CILK1: variants seen among roughly 807,000 people sequenced by gnomAD.
CILK1 encodes the protein ciliogenesis associated kinase 1, also known as serine/threonine-protein kinase ICK.
A neutral mutation model predicts 79.2 loss-of-function variants in CILK1; 47 were observed. That is an observed-to-expected ratio of 0.59 (90% CI 0.47 to 0.76). The LOEUF is 0.76. Ranked by LOEUF, CILK1 falls within the 30% of genes least tolerant of loss-of-function variation. CILK1 has a pLI of 0.00. For synonymous variants in CILK1, 266 were observed against 275.9 expected, an observed-to-expected ratio of 0.96 and a Z score of 0.36; for missense variants, 660 against 769.5, an observed-to-expected ratio of 0.86 and a Z score of 1.68.
rs1764430360 is a variant in CILK1, at chr6:53,009,474, G to A, written c.1586C>T (p.Ser529Leu). Residue 529 changes from serine to leucine, a missense_variant, in exon 12 of 14, where the codon TCA (serine) becomes TTA (leucine). By Grantham distance (145) the Ser-to-Leu change is moderately radical. Transcript: ENST00000676107. Reference sequence around the variant, plus strand: ...TTTGCTGATTACTGACATTGTCCCTGAAGATTTTCCAGACAAGCCAGAACT... The same window carrying A: ...TTTGCTGATTACTGACATTGTCCCTAAAGATTTTCCAGACAAGCCAGAACT... Reference protein sequence around the residue: ...WSSSGLSGKSSGTMSVISKVN... With the variant: ...WSSSGLSGKSLGTMSVISKVN... 1.2e-6 allele frequency: 2 copies of A among 1,614,062 alleles called. No homozygotes were observed. The highest frequency in any genetic ancestry group is 2.2e-5 in the East Asian group (1 of 44,882).
intron 4 of CILK1, among the ~76,000 whole-genome samples, chr6:53,031,587 T>C (rs1490092507): frequency 6.6e-6 from 1 of 152,212 alleles, no homozygotes; most frequent in Non-Finnish European, 1.5e-5. Flanking sequence ...AGAGGCTCCA[T>C]ACGGTTCACC....
chr6:53,041,050 AC>A, intron 2 of CILK1, 85 bp downstream of exon 2: 1 of 900,570 alleles, frequency 1.1e-6, no homozygotes, highest in Non-Finnish European at 1.9e-6. Context: ...TAGGCATCCT[AC>A]CCACTCCCCT....
chr6:53,029,020 G>A (rs1454708453), intron 5 of CILK1, among the ~76,000 whole-genome samples: 1 of 151,934 alleles, frequency 6.6e-6, no homozygotes, highest in Non-Finnish European at 1.5e-5. Flanking sequence ...GCTACTTTCT[G>A]GCAACAAGTA....
intron 8 of CILK1, 70 bp from the exon 9 acceptor site, chr6:53,014,052 C>T (rs1764753393): frequency 8.2e-7 from 1 of 1,222,850 alleles, no homozygotes; most frequent in African/African-American, 1.5e-5. Context: ...GATTACTGGG[C>T]TATATTTCAT....
intron 5 of CILK1, among the ~76,000 whole-genome samples, chr6:53,025,231 T>C (rs980043892): frequency 6.6e-6 from 1 of 152,186 alleles, no homozygotes; most frequent in African/African-American, 2.4e-5. Flanking sequence ...GTTGGGGTAA[T>C]TATTATTTCC....
rs1323029830 is a variant in CILK1 at position 53,003,999 on chromosome 6, G to C, written c.*1150C>G. On this transcript the variant is annotated 3_prime_UTR_variant, in exon 14 of 14. Transcript: ENST00000676107. ...AACTGCTGTAAACATTCCTCTCAATGGAACAGCCTCTGCCCAACAAATAAA... is the reference window on the plus strand; with the variant it reads ...AACTGCTGTAAACATTCCTCTCAATCGAACAGCCTCTGCCCAACAAATAAA... 6.6e-6 allele frequency: 1 copy of C among 152,594 alleles called. No individual in the cohort carries two copies. Among genetic ancestry groups the C allele is most frequent in the Non-Finnish European group, 1.5e-5 (1 of 68,028 alleles). The allele number at this position is 152,594 out of a possible 1,614,324, so 9.5% of individuals were successfully genotyped here.
intron 12 of CILK1, among the ~76,000 whole-genome samples, chr6:53,006,906 T>C (rs1170042703): frequency 6.6e-6 from 1 of 152,202 alleles, no homozygotes; most frequent in Non-Finnish European, 1.5e-5. Flanking sequence ...CTGTGACAAG[T>C]AATTACACAC....
At chr6:53,027,318 G>C (rs1391512225) in intron 5 of CILK1, among the ~76,000 whole-genome samples, 1 of 152,172 alleles carries the variant, frequency 6.6e-6, no homozygotes, top group Non-Finnish European at 1.5e-5. Context: ...ATATCTGTAA[G>C]GTCAAGTCAG....
At chr6:53,055,935 C>A (rs760284142) in intron 1 of CILK1, among the ~76,000 whole-genome samples, 1 of 152,170 alleles carries the variant, frequency 6.6e-6, no homozygotes, top group Non-Finnish European at 1.5e-5. Context: ...TGTAGATGAG[C>A]TAGAACGAGA....
At chr6:53,024,656 C>T (rs891483882) in intron 5 of CILK1, among the ~76,000 whole-genome samples, 2 of 151,948 alleles carry the variant, frequency 1.3e-5, no homozygotes, top group Non-Finnish European at 2.9e-5. Context: ...TCAGAGTGTT[C>T]AAAACATTCC....
chr6:53,005,265 G>A lies in CILK1; in HGVS notation c.1783C>T (p.Arg595Ter), dbSNP rs771374942. ...CTAGGCTGGGTGTGGAAGAATGGTCGCCCAGGATGAGGTCTCATGGCCTTC... is the reference window on the plus strand; with the variant it reads ...CTAGGCTGGGTGTGGAAGAATGGTCACCCAGGATGAGGTCTCATGGCCTTC... ...SLKAMRPHPG[R>*]PFFHTQPRST... Residue 595 changes from arginine (R) to a stop codon, truncating the protein, a stop_gained, in exon 14 of 14, where the codon CGA becomes TGA. Transcript: ENST00000676107. LOFTEE classifies it high-confidence loss of function. 7.4e-6 allele frequency: 12 copies of A among 1,614,058 alleles called. 1 individual carries two copies. Among genetic ancestry groups the A allele is most frequent in the African/African-American group, 5.3e-5 (4 of 74,938 alleles).
chr6:53,044,479 T>C (rs1252365687), intron 1 of CILK1, among the ~76,000 whole-genome samples: 2 of 152,198 alleles, frequency 1.3e-5, no homozygotes, highest in Non-Finnish European at 2.9e-5. Flanking sequence ...TATAGTTTCA[T>C]TCTTGGGAAA....
At chr6:53,037,738 C>T (rs1324255466) in intron 3 of CILK1, among the ~76,000 whole-genome samples, 1 of 152,104 alleles carries the variant, frequency 6.6e-6, no homozygotes, top group African/African-American at 2.4e-5. Context: ...TATAAGTGAT[C>T]CATTAAAGAT....
Position 53,022,491 on chromosome 6 carries a change from C to A in CILK1, c.359-3132G>T, listed in dbSNP as rs9463856. On this transcript the variant is annotated intron_variant, in intron 5 of 13. Transcript: ENST00000676107. ...TACAGTCTAGGAACAACAGGCTATA[C>A]CATATAGTCCAGCTATGTAATAGGC... 6.8e-3 allele frequency among the ~76,000 whole-genome samples: 1,042 copies of A among 152,290 alleles called. 17 individuals are homozygous for A. Among genetic ancestry groups the A allele is most frequent in the African/African-American group, 0.024 (984 of 41,556 alleles).
At chr6:53,034,067 T>C (rs1347685411) in intron 3 of CILK1, among the ~76,000 whole-genome samples, 1 of 152,246 alleles carries the variant, frequency 6.6e-6, no homozygotes, top group Non-Finnish European at 1.5e-5. Context: ...CTTGTAAGTA[T>C]TCACTAAACT....
chr6:53,058,512 A>C (rs1275195145), intron 1 of CILK1, among the ~76,000 whole-genome samples: 2 of 152,156 alleles, frequency 1.3e-5, no homozygotes, highest in Non-Finnish European at 2.9e-5. Flanking sequence ...ACACAATTAC[A>C]CTGTAATCCC....
chr6:53,019,736 A>T (rs1306885675), intron 5 of CILK1, among the ~76,000 whole-genome samples: 1 of 152,096 alleles, frequency 6.6e-6, no homozygotes, highest in African/African-American at 2.4e-5. Context: ...GCACAATCAT[A>T]GTTCGCTGCA....
chr6:53,008,130 TACATAAATTATGGTCC>T (rs954126951), intron 12 of CILK1, among the ~76,000 whole-genome samples: 10 of 151,686 alleles, frequency 6.6e-5, no homozygotes, highest in Admixed American at 5.3e-4. Context: ...AGAGAAGGCA[TACATAAATTATGGTCC>T]ACATAAATAA....
chr6:53,028,358 T>C (rs1276736049), intron 5 of CILK1, among the ~76,000 whole-genome samples: 3 of 152,184 alleles, frequency 2.0e-5, no homozygotes, highest in African/African-American at 7.2e-5. Flanking sequence ...CTTCACCTCT[T>C]ATTCTCTTGT....
Sources: gnomAD v4.1 joint callset for allele counts (sites outside exome capture counted in the v4.1 genomes callset) on GRCh38, gnomAD v4.1.1 for gene constraint, MANE v1.5 for transcripts, NCBI Gene and HGNC (gene_info 2026-07-23, HGNC 2026-07-21) for gene names.